The following FNDC3B variants were observed in gnomAD, a reference collection of about 807,000 sequenced individuals.
The protein encoded by FNDC3B is fibronectin type III domain-containing protein 3B.
In FNDC3B, 12 loss-of-function variants were observed where a neutral mutation model predicts 151.5. The observed-to-expected ratio is 0.08, with a 90% CI of 0.05 to 0.13. The LOEUF (loss-of-function observed/expected upper bound fraction) is 0.13, where lower values mean the gene tolerates loss of function less well. Ranked by LOEUF, FNDC3B falls within the 10% of genes least tolerant of loss-of-function variation. The probability of loss-of-function intolerance (pLI) is 1.00; values close to 1 mark genes in which losing one functional copy is unlikely to be tolerated. For synonymous variants in FNDC3B, 528 were observed against 549.0 expected (o/e 0.96, Z 0.54); for missense variants, 1,214 against 1,505.3 (o/e 0.81, Z 3.20).
intron 23 of FNDC3B, among the ~76,000 whole-genome samples, chr3:172,368,163 C>T (rs1051181571): frequency 2.6e-5 from 4 of 151,708 alleles, no homozygotes; most frequent in African/African-American, 4.8e-5. Context: ...CCAGCTACTC[C>T]GGAGGCTGAA....
At position 172,250,504 on chromosome 3, in the gene FNDC3B, A is replaced by C. The variant is rs9850203; in HGVS notation, c.509-756A>C. Among the ~76,000 whole-genome samples, 236 of 152,350 alleles carry C rather than the reference A, an allele frequency of 1.5e-3. 1 individual carries two copies. The highest frequency in any genetic ancestry group is 5.6e-3 in the African/African-American group (233 of 41,576). The stretch of plus-strand genomic sequence containing the variant: ...CAATATACTTCCCAGTAGAAATACT[A>C]TTCTGTCTACAGGGATGAGTAGACT... On this transcript the variant is annotated intron_variant, in intron 5 of 25. Transcript: ENST00000415807.
intron 4 of FNDC3B, among the ~76,000 whole-genome samples, chr3:172,244,641 T>TC (rs1727681579): frequency 1.5e-5 from 2 of 133,800 alleles, no homozygotes; most frequent in South Asian, 2.4e-4. Context: ...TTTTTTTTTT[T>TC]TGAGTCGGCG....
intron 3 of FNDC3B, among the ~76,000 whole-genome samples, chr3:172,195,022 A>G (rs1255626142): frequency 1.3e-5 from 2 of 152,254 alleles, no homozygotes; most frequent in Non-Finnish European, 1.5e-5. Flanking sequence ...TTCTTTAGGA[A>G]GAGAAATAAA....
Position 172,343,026 on chromosome 3 carries a change from C to T in FNDC3B, c.1987C>T (p.Pro663Ser), listed in dbSNP as rs141555623. 285 of 1,610,334 alleles carry T rather than the reference C, an allele frequency of 1.8e-4. No homozygotes were observed. The highest frequency in any genetic ancestry group is 2.3e-4 in the Non-Finnish European group (274 of 1,176,854). ...GGHSQCSESL[P>S]VRTLSIAPGQ... is the part of the protein sequence containing the mutation. ...TCTCCTGCAGTGTTCTGAAAGTCTC[C>T]CTGTTCGCACACTAAGCATTGCACC... is the stretch of plus-strand genomic sequence containing the variant. The change falls in exon 18 of 26, where the codon CCT (proline) becomes TCT (serine). Residue 663 changes from proline (P) to serine (S), a missense_variant. Around this residue, in one of 7 missense-constraint regions of FNDC3B, gnomAD observed 380 missense variants for 420.9 expected, o/e 0.90. Coordinates refer to ENST00000415807, the MANE Select transcript of FNDC3B (RefSeq NM_022763.4).
intron 3 of FNDC3B, among the ~76,000 whole-genome samples, chr3:172,163,596 T>C (rs563901023): frequency 3.9e-5 from 6 of 152,318 alleles, no homozygotes; most frequent in African/African-American, 1.2e-4. Flanking sequence ...AAACATACTA[T>C]ATGTATTCTT....
chr3:172,390,564 C>G (rs1369594389), intron 25 of FNDC3B, among the ~76,000 whole-genome samples: 2 of 150,976 alleles, frequency 1.3e-5, no homozygotes, highest in Non-Finnish European at 1.5e-5. Flanking sequence ...AAATCTTAAC[C>G]AGGGTTTGTC....
At chr3:172,310,786 T>G in intron 10 of FNDC3B, 42 bp from the exon 11 acceptor site, 1 of 1,475,854 alleles carries the variant, frequency 6.8e-7, no homozygotes, top group Non-Finnish European at 9.5e-7. Flanking sequence ...AAGTTTTGTC[T>G]GTGAACAACT....
intron 1 of FNDC3B, among the ~76,000 whole-genome samples, chr3:172,098,345 G>A (rs1719192622): frequency 6.6e-6 from 1 of 152,230 alleles, no homozygotes; most frequent in Admixed American, 6.5e-5. Context: ...CCATTGTCTT[G>A]ATTTCCTGCA....
In FNDC3B at chr3:172,347,345, A is replaced by G. The variant is rs1477436973; in HGVS notation, c.2498A>G (p.Tyr833Cys). 1 of 1,613,792 alleles carries G rather than the reference A, an allele frequency of 6.2e-7. No homozygotes were observed. The stretch of plus-strand genomic sequence containing the variant: ...AGAGACCTGTTGCCTGCTGCACAGT[A>G]TTGCTGTAGACTACAGGTAGGTTGA... ...EIRDLLPAAQ[Y>C]CCRLQAFNQA... The change falls in exon 21 of 26, where the codon TAT (tyrosine) becomes TGT (cysteine). Residue 833 changes from tyrosine (Y) to cysteine (C), a missense_variant. Tyr to Cys is a radical substitution (Grantham distance 194). Transcript: ENST00000415807.
intron 3 of FNDC3B, among the ~76,000 whole-genome samples, chr3:172,168,822 C>G (rs1723140546): frequency 6.6e-6 from 1 of 150,410 alleles, no homozygotes. Context: ...AAGTGATTCT[C>G]CTGTCTCAGC....
At chr3:172,314,376 G>T (rs1731674417) in intron 11 of FNDC3B, among the ~76,000 whole-genome samples, 1 of 152,186 alleles carries the variant, frequency 6.6e-6, no homozygotes. Context: ...AGACAGTGCT[G>T]CTCAGAGTCT....
intron 2 of FNDC3B, among the ~76,000 whole-genome samples, chr3:172,121,725 T>TTATG (rs542127872): frequency 5.3e-5 from 8 of 152,238 alleles, no homozygotes; most frequent in Non-Finnish European, 8.8e-5. Flanking sequence ...TTTAAAGCAT[T>TTATG]TATGTATGTA....
chr3:172,348,102 A>G (rs865921413), intron 21 of FNDC3B, among the ~76,000 whole-genome samples: 4 of 152,366 alleles, frequency 2.6e-5, no homozygotes, highest in African/African-American at 7.2e-5. Flanking sequence ...GATCAAAGGA[A>G]GATCAGGAAG....
intron 15 of FNDC3B, 69 bp downstream of exon 15, chr3:172,335,151 C>G: frequency 7.0e-7 from 1 of 1,437,590 alleles, no homozygotes; most frequent in South Asian, 1.5e-5. Context: ...AAAAATGATT[C>G]ATTTTAGTAG....
chr3:172,287,452 T>A (rs1576875424), intron 7 of FNDC3B, among the ~76,000 whole-genome samples: 1 of 152,144 alleles, frequency 6.6e-6, no homozygotes, highest in African/African-American at 2.4e-5. Context: ...GTTGTAGGAT[T>A]GGATGATAGC....
chr3:172,396,382 T>C (rs927018851), intron 25 of FNDC3B, among the ~76,000 whole-genome samples: 4 of 152,216 alleles, frequency 2.6e-5, no homozygotes, highest in African/African-American at 4.8e-5. Context: ...ATGTATCCAG[T>C]TGTCAAAAAA....
At chr3:172,174,518 C>G (rs1043238613) in intron 3 of FNDC3B, among the ~76,000 whole-genome samples, 17 of 152,322 alleles carry the variant, frequency 1.1e-4, no homozygotes, top group South Asian at 4.1e-4. Flanking sequence ...AACATATAAA[C>G]AATTTGTTAA....
chr3:172,346,123 C>G, intron 19 of FNDC3B: 1 of 325,794 alleles, frequency 3.1e-6, no homozygotes, highest in South Asian at 1.5e-4. Flanking sequence ...TGACAGACAT[C>G]TACTACTCAG....
At chr3:172,240,576 C>T (rs989267502) in intron 4 of FNDC3B, among the ~76,000 whole-genome samples, 3 of 152,194 alleles carry the variant, frequency 2.0e-5, no homozygotes, top group African/African-American at 7.2e-5. Flanking sequence ...TAATTTTCTA[C>T]ATAATGAAAA....
Sources: gnomAD v4.1 joint callset for allele counts (sites outside exome capture counted in the v4.1 genomes callset) on GRCh38, gnomAD v4.1.1 for gene constraint, gnomAD v4.1.1 regional missense constraint, MANE v1.5 for transcripts, NCBI Gene and HGNC (gene_info 2026-07-23, HGNC 2026-07-21) for gene names.